ZNF814: variants seen among roughly 807,000 people sequenced by gnomAD.
ZNF814 encodes the protein zinc finger protein 814.
ZNF814 carries 5 observed loss-of-function variants against 7.5 expected under a neutral mutation model. The ratio of observed to expected loss-of-function variants is 0.67; its 90% CI spans 0.35 to 1.40. The LOEUF (loss-of-function observed/expected upper bound fraction) is 1.40. ZNF814 is among the 40% of genes most tolerant of loss of function. ZNF814 has a pLI of 0.04. For synonymous variants in ZNF814, 315 were observed against 340.7 expected (o/e 0.92, Z 0.83); for missense variants, 962 against 1,018.0 (o/e 0.94, Z 0.75).
At chr19:57,884,318 A>G (rs908043242) in intron 1 of ZNF814, among the ~76,000 whole-genome samples, 51 of 152,228 alleles carry the variant, frequency 3.4e-4, no homozygotes, top group African/African-American at 1.2e-3. Context: ...ACATTTCTCA[A>G]AAGAAGACAT....
intron 1 of ZNF814, among the ~76,000 whole-genome samples, chr19:57,878,656 A>C (rs1392982918): frequency 6.6e-6 from 1 of 151,952 alleles, no homozygotes; most frequent in Non-Finnish European, 1.5e-5. Flanking sequence ...ATGGCGTTTC[A>C]CCATATTGGG....
chr19:57,878,814 C>T (rs1227108087), intron 1 of ZNF814, among the ~76,000 whole-genome samples: 2 of 152,018 alleles, frequency 1.3e-5, no homozygotes, highest in Non-Finnish European at 2.9e-5. Flanking sequence ...CACCTGTAAT[C>T]CCAGCACTCT....
chr19:57,875,416 C>G (rs1385213509), intron 2 of ZNF814, among the ~76,000 whole-genome samples, 190 bp from the exon 3 acceptor site: 1 of 152,102 alleles, frequency 6.6e-6, no homozygotes, highest in Non-Finnish European at 1.5e-5. Flanking sequence ...TGTAGGAGGC[C>G]TCATAAGTTA....
chr19:57,892,998 G>A (rs902540069), upstream of ZNF814, among the ~76,000 whole-genome samples: 1 of 152,110 alleles, frequency 6.6e-6, no homozygotes, highest in Non-Finnish European at 1.5e-5. Context: ...TTTGTCACAC[G>A]TATTTTGCTC....
chr19:57,901,036 G>A, the ZNF814 span, among the ~76,000 whole-genome samples: 1 of 149,152 alleles, frequency 6.7e-6, no homozygotes, highest in Non-Finnish European at 1.5e-5. Flanking sequence ...TTTTAGTAGA[G>A]ACGGGGTTTC....
At chr19:57,896,434 C>A in the ZNF814 span, among the ~76,000 whole-genome samples, 1 of 152,174 alleles carries the variant, frequency 6.6e-6, no homozygotes, top group Non-Finnish European at 1.5e-5. The surrounding 1 kb of genome is among the most constrained non-coding windows in gnomAD (Gnocchi z 4.2). Context: ...CCCATCAGCT[C>A]CACCTGCTGA....
upstream of ZNF814, among the ~76,000 whole-genome samples, chr19:57,892,968 C>T (rs78659022): frequency 1.8e-3 from 281 of 152,274 alleles, no homozygotes; most frequent in Middle Eastern, 0.02. Context: ...CAGGCGGAGC[C>T]GAGTGGCTAA....
rs1430381012 is a variant in ZNF814, at chr19:57,873,904, C to G, written c.1486G>C (p.Glu496Gln). Residue 496 changes from glutamate (E) to glutamine (Q), a missense_variant, in exon 3 of 3, where the codon GAA becomes CAA. Physicochemically the swap from Glu to Gln is conservative, Grantham distance 29 (BLOSUM62 2). This residue lies in a region of ZNF814 where 665 missense variants were observed against 551.4 expected (regional missense o/e 1.21). Transcript: ENST00000435989. The part of the protein sequence containing the change: ...HSGERPYQCG[E>Q]CGKSFSQKGN... The stretch of plus-strand genomic sequence containing the variant: ...TTTTGACTGAAAGATTTCCCACATT[C>G]TCCACACTGATAAGGTCTTTCTCCA... The G allele has an allele frequency of 1.2e-6, 2 of 1,613,886 alleles. No homozygotes were observed. Among genetic ancestry groups the G allele is most frequent in the Non-Finnish European group, 1.7e-6 (2 of 1,179,902 alleles).
rs2071545103 is a variant in ZNF814 at position 57,870,173 on chromosome 19, G to T, written c.*2649C>A. The T allele has an allele frequency of 6.6e-6, 1 of 152,196 alleles. No individual in the cohort carries two copies. Among genetic ancestry groups the T allele is most frequent in the Non-Finnish European group, 1.5e-5 (1 of 68,058 alleles). 9.4% of individuals were successfully genotyped at this position (152,196 alleles called of 1,614,324 possible). ...AAGAATGGTGTGAACCCAGGAGGCAGAGCTTGCAGTGAGCCGAGATCGTGC... is the reference window on the plus strand; with the variant it reads ...AAGAATGGTGTGAACCCAGGAGGCATAGCTTGCAGTGAGCCGAGATCGTGC... On this transcript the variant is annotated 3_prime_UTR_variant, in exon 3 of 3. Coordinates refer to ENST00000435989, the MANE Select transcript of ZNF814 (RefSeq NM_001144989.2).
the ZNF814 span, among the ~76,000 whole-genome samples, chr19:57,904,555 G>T: frequency 1.3e-5 from 2 of 152,194 alleles, no homozygotes; most frequent in African/African-American, 2.4e-5. Context: ...GACACTGCAG[G>T]TATCTGTCCC....
intron 1 of ZNF814, among the ~76,000 whole-genome samples, chr19:57,885,044 G>A (rs1165192231): frequency 3.9e-5 from 6 of 152,244 alleles, no homozygotes; most frequent in South Asian, 2.1e-4. Context: ...AATGTAGGCC[G>A]GACGCAGTGG....
the ZNF814 span, among the ~76,000 whole-genome samples, chr19:57,897,347 T>C: frequency 1.3e-5 from 2 of 152,126 alleles, no homozygotes; most frequent in Non-Finnish European, 2.9e-5. Flanking sequence ...ATACGCCCCA[T>C]TTTTCAGGCT....
chr19:57,877,250 C>T (rs908901399), intron 1 of ZNF814, among the ~76,000 whole-genome samples: 1 of 152,040 alleles, frequency 6.6e-6, no homozygotes, highest in Non-Finnish European at 1.5e-5. Context: ...GAGTCCACCC[C>T]CTCCTGACAG....
chr19:57,897,474 A>C, the ZNF814 span, among the ~76,000 whole-genome samples: 9,171 of 152,286 alleles, frequency 0.06, 953 homozygotes, highest in African/African-American at 0.21. Context: ...CCCCGGTATA[A>C]GAAAGGCAAT....
intron 1 of ZNF814, 36 bp from the exon 2 acceptor site, chr19:57,877,078 C>T (rs1462754322): frequency 3.1e-6 from 5 of 1,611,102 alleles, no homozygotes; most frequent in Non-Finnish European, 4.2e-6. Flanking sequence ...TACAAACTGC[C>T]CCTATGCTGA....
rs1479355346 is a variant in ZNF814 at position 57,873,015 on chromosome 19, C to A, written c.2375G>T (p.Arg792Ile). The change falls in exon 3 of 3, where the codon AGA becomes ATA. Residue 792 changes from arginine to isoleucine, a missense_variant. Physicochemically the swap from Arg to Ile is moderately conservative, Grantham distance 97 (BLOSUM62 -3). Transcript: ENST00000435989. ...AESSSFTKHK[R>I]VHTGEKPYEC... Reference sequence around the variant, plus strand: ...ATAAGGCTTTTCTCCAGTGTGAACTCTTTTGTGTTTTGTGAAACTGGAGCT... The same window carrying A: ...ATAAGGCTTTTCTCCAGTGTGAACTATTTTGTGTTTTGTGAAACTGGAGCT... The A allele has an allele frequency of 1.2e-6, 2 of 1,613,882 alleles. No homozygotes were observed. Among genetic ancestry groups the A allele is most frequent in the Admixed American group, 3.3e-5 (2 of 59,980 alleles).
chr19:57,890,673 C>T (rs534331110), upstream of ZNF814, among the ~76,000 whole-genome samples: 6 of 152,178 alleles, frequency 3.9e-5, no homozygotes, highest in African/African-American at 9.6e-5. Flanking sequence ...ATCTCCAGCA[C>T]CAATCTTAGC....
chr19:57,872,504 T>G lies in ZNF814; in HGVS notation c.*318A>C, dbSNP rs1568516138. 1 of 574,038 alleles carries G rather than the reference T, an allele frequency of 1.7e-6. No homozygotes were observed. The allele number at this position is 574,038 out of a possible 1,614,324, so 35.6% of individuals were successfully genotyped here. On this transcript the variant is annotated 3_prime_UTR_variant, in exon 3 of 3. Coordinates refer to ENST00000435989, the MANE Select transcript of ZNF814 (RefSeq NM_001144989.2). ...GCCCAAATGTATTTTATTTGTCTAG[T>G]GTGAACTCTCTGATATTCAAGGAGA...
At chr19:57,891,263 C>G (rs1009049874), upstream of ZNF814, among the ~76,000 whole-genome samples, 1 of 152,160 alleles carries the variant, frequency 6.6e-6, no homozygotes, top group Admixed American at 6.5e-5. Context: ...CGGTGGCTCA[C>G]GCCTGTAATC....
Sources: allele counts gnomAD v4.1 joint callset (sites outside exome capture counted in the v4.1 genomes callset), GRCh38; gene constraint gnomAD v4.1.1; regional missense constraint gnomAD v4.1.1; non-coding constraint Gnocchi (gnomAD v3.1); transcripts MANE v1.5; gene names NCBI Gene and HGNC (gene_info 2026-07-23, HGNC 2026-07-21).